Variants in BLTP1 observed in about 807,000 individuals in gnomAD.
The protein encoded by BLTP1 is fragile site-associated protein.
chr4:122,309,119 T>G, the BLTP1 span: 3 of 1,149,692 alleles, frequency 2.6e-6, no homozygotes, highest in Non-Finnish European at 3.5e-6. Flanking sequence ...AATTTAATTT[T>G]TAAAAGGCAT....
chr4:122,359,343 C>T, the BLTP1 span: 1 of 967,912 alleles, frequency 1.0e-6, no homozygotes, highest in Non-Finnish European at 1.2e-6. Context: ...TCAATGATCT[C>T]AGCATTTTTT....
chr4:122,258,857 C>T, the BLTP1 span: 1 of 1,557,834 alleles, frequency 6.4e-7, no homozygotes, highest in Non-Finnish European at 8.8e-7. Flanking sequence ...TATTATTGCT[C>T]TTTTTGGTTA....
At chr4:122,229,821 C>T in the BLTP1 span, 1 of 1,356,972 alleles carries the variant, frequency 7.4e-7, no homozygotes, top group Non-Finnish European at 9.6e-7. Context: ...TTTTCTCCTT[C>T]CATTTATGTT....
At chr4:122,179,885 C>T in the BLTP1 span, 1 of 985,238 alleles carries the variant, frequency 1.0e-6, no homozygotes, top group African/African-American at 1.7e-5. Flanking sequence ...CCTCCCTGCC[C>T]CCCACATACA....
the BLTP1 span, chr4:122,180,226 C>T: frequency 1.0e-6 from 1 of 955,598 alleles, no homozygotes; most frequent in East Asian, 1.2e-4. Flanking sequence ...GAATTTTAAC[C>T]ACTCTGAGCC....
the BLTP1 span, among the ~76,000 whole-genome samples, chr4:122,352,623 G>A: frequency 1.3e-5 from 2 of 152,138 alleles, no homozygotes; most frequent in African/African-American, 2.4e-5. Context: ...GCTTCCAAAA[G>A]TGCTGGGTTT....
At chr4:122,318,527 C>T in the BLTP1 span, among the ~76,000 whole-genome samples, 1 of 152,154 alleles carries the variant, frequency 6.6e-6, no homozygotes. Context: ...GGTTGTAGGA[C>T]TCGATAGTCT....
the BLTP1 span, chr4:122,291,908 A>G: frequency 6.5e-5 from 48 of 734,726 alleles, no homozygotes; most frequent in South Asian, 8.6e-4. Context: ...AAGGTATTCA[A>G]GGTTGTGATA....
At chr4:122,194,213 A>G in the BLTP1 span, among the ~76,000 whole-genome samples, 3 of 152,214 alleles carry the variant, frequency 2.0e-5, no homozygotes, top group Non-Finnish European at 4.4e-5. Context: ...ACCGAACAGT[A>G]TATTCTATTA....
the BLTP1 span, among the ~76,000 whole-genome samples, chr4:122,180,964 A>C: frequency 2.6e-5 from 4 of 152,238 alleles, no homozygotes. Context: ...TCATTCTTTC[A>C]CTTCTTGGTA....
chr4:122,285,483 CA>C, the BLTP1 span, among the ~76,000 whole-genome samples: 1 of 152,090 alleles, frequency 6.6e-6, no homozygotes, highest in Non-Finnish European at 1.5e-5. Context: ...GAGATCAGGG[CA>C]GTCATGACTC....
At chr4:122,293,028 C>A in the BLTP1 span, 4 of 916,366 alleles carry the variant, frequency 4.4e-6, no homozygotes, top group Non-Finnish European at 5.2e-6. Flanking sequence ...AATAACACTT[C>A]TTAAGTCATG....
the BLTP1 span, chr4:122,280,243 A>AT: frequency 2.1e-6 from 2 of 957,340 alleles, no homozygotes; most frequent in East Asian, 1.1e-4. Context: ...ATTTGTGGGT[A>AT]TTGTAAGAGG....
the BLTP1 span, among the ~76,000 whole-genome samples, chr4:122,318,714 C>T: frequency 2.0e-5 from 3 of 152,238 alleles, no homozygotes; most frequent in East Asian, 5.8e-4. Context: ...ACTTTATAAT[C>T]TTTATTTTTT....
the BLTP1 span, among the ~76,000 whole-genome samples, chr4:122,267,328 G>C: frequency 1.3e-5 from 2 of 151,970 alleles, no homozygotes; most frequent in Admixed American, 1.3e-4. Flanking sequence ...CAAAGTGCTG[G>C]GATTACAGGC....
the BLTP1 span, chr4:122,330,971 T>G: frequency 2.1e-6 from 2 of 972,894 alleles, no homozygotes; most frequent in Non-Finnish European, 2.4e-6. Flanking sequence ...GCATTATTTT[T>G]CTTTCCTTGT....
the BLTP1 span, among the ~76,000 whole-genome samples, chr4:122,319,564 C>T: frequency 7.2e-6 from 1 of 138,482 alleles, no homozygotes; most frequent in South Asian, 2.3e-4. Context: ...TTTTTTGACA[C>T]AGAGTCTCGC....
chr4:122,211,330 A>T, the BLTP1 span, among the ~76,000 whole-genome samples: 82 of 150,344 alleles, frequency 5.5e-4, no homozygotes, highest in African/African-American at 2.0e-3. Context: ...GAATGGTGCT[A>T]GTTGCTATAG....
At chr4:122,354,547 CT>C in the BLTP1 span, among the ~76,000 whole-genome samples, 2 of 150,144 alleles carry the variant, frequency 1.3e-5, no homozygotes, top group South Asian at 4.2e-4. Context: ...TTTTGTGGTG[CT>C]TTTGGGATTT....
Sources: gnomAD v4.1 joint callset for allele counts (sites outside exome capture counted in the v4.1 genomes callset) on GRCh38, gnomAD v4.1.1 for gene constraint, MANE v1.5 for transcripts, NCBI Gene and HGNC (gene_info 2026-07-23, HGNC 2026-07-21) for gene names.